Variants in FRAS1 observed in about 807,000 individuals in gnomAD.
FRAS1 encodes the protein Fraser extracellular matrix complex subunit 1, also known as extracellular matrix organizing protein FRAS1.
In FRAS1, 290 loss-of-function variants were observed where a neutral mutation model predicts 435.2. That is an observed-to-expected ratio of 0.67 (90% CI 0.61 to 0.73). The LOEUF (loss-of-function observed/expected upper bound fraction) is 0.73. Ranked by LOEUF, FRAS1 falls within the 30% of genes least tolerant of loss-of-function variation. FRAS1 has a pLI of 0.00. For missense variants in FRAS1, 4,860 were observed against 5,001.5 expected (o/e 0.97, Z 0.85); for synonymous variants, 1,800 against 1,851.0 (o/e 0.97, Z 0.71).
intron 2 of FRAS1, among the ~76,000 whole-genome samples, chr4:78,228,615 C>T (rs1006853050): frequency 2.0e-5 from 3 of 152,140 alleles, no homozygotes; most frequent in Non-Finnish European, 4.4e-5. Flanking sequence ...TTCTATAGCA[C>T]TCAGTAGTGG....
intron 2 of FRAS1, among the ~76,000 whole-genome samples, chr4:78,140,703 GCA>G (rs1560546090): frequency 1.8e-4 from 12 of 68,268 alleles, no homozygotes; most frequent in Admixed American, 9.4e-4. Context: ...ATGTGTATAT[GCA>G]TATACGTGTG....
chr4:78,452,450 C>A, intron 47 of FRAS1, 96 bp downstream of exon 47: 1 of 920,206 alleles, frequency 1.1e-6, no homozygotes, highest in Non-Finnish European at 1.6e-6. Context: ...CTAGAATCTG[C>A]CTTAATTCAT....
At chr4:78,210,760 A>G (rs1723469657) in intron 2 of FRAS1, among the ~76,000 whole-genome samples, 10 of 152,224 alleles carry the variant, frequency 6.6e-5, no homozygotes, top group Admixed American at 6.5e-4. Context: ...ATCTATATCT[A>G]TACAATCATC....
At chr4:78,327,524 G>C (rs1310740536) in intron 18 of FRAS1, among the ~76,000 whole-genome samples, 1 of 152,120 alleles carries the variant, frequency 6.6e-6, no homozygotes, top group African/African-American at 2.4e-5. Context: ...AATTATTTTA[G>C]GTACAGTTTT....
intron 30 of FRAS1, among the ~76,000 whole-genome samples, chr4:78,404,407 C>CAAA (rs769957965): frequency 1.7e-5 from 2 of 115,944 alleles, no homozygotes; most frequent in Admixed American, 9.0e-5. Flanking sequence ...TGAGGTACTA[C>CAAA]AAAAAAAAAA....
chr4:78,309,711 A>G (rs1273545047), intron 15 of FRAS1, among the ~76,000 whole-genome samples: 1 of 150,716 alleles, frequency 6.6e-6, no homozygotes, highest in Non-Finnish European at 1.5e-5. Context: ...CCACTTCTTC[A>G]CCTTCTTCTG....
intron 70 of FRAS1, among the ~76,000 whole-genome samples, chr4:78,530,897 G>A (rs760442235): frequency 2.0e-5 from 3 of 152,208 alleles, no homozygotes; most frequent in Non-Finnish European, 4.4e-5. Context: ...GTAGCTTGAT[G>A]GGAATAGCAT....
intron 2 of FRAS1, among the ~76,000 whole-genome samples, chr4:78,175,676 A>G (rs918515392): frequency 1.3e-5 from 2 of 152,210 alleles, no homozygotes; most frequent in African/African-American, 4.8e-5. Flanking sequence ...AAGCAGAGCC[A>G]GCTCTGTGGA....
intron 66 of FRAS1, among the ~76,000 whole-genome samples, chr4:78,517,159 T>C (rs1324435336): frequency 6.6e-6 from 1 of 152,242 alleles, no homozygotes; most frequent in African/African-American, 2.4e-5. Context: ...TTTACAGTAA[T>C]TATTTAGAGA....
chr4:78,503,221 C>T (rs11098205), intron 61 of FRAS1, among the ~76,000 whole-genome samples: 27,661 of 152,030 alleles, frequency 0.18, 2,591 homozygotes, highest in Middle Eastern at 0.26. Flanking sequence ...AGGATGATTC[C>T]GGCTTCATAA....
intron 2 of FRAS1, among the ~76,000 whole-genome samples, chr4:78,201,783 T>G (rs1279245009): frequency 6.6e-6 from 1 of 152,170 alleles, no homozygotes; most frequent in African/African-American, 2.4e-5. Context: ...CAAACAGCAT[T>G]GAAGATATTT....
At chr4:78,320,679 C>T (rs1300448041) in intron 18 of FRAS1, among the ~76,000 whole-genome samples, 2 of 152,128 alleles carry the variant, frequency 1.3e-5, no homozygotes, top group Non-Finnish European at 2.9e-5. Context: ...CTCTCTCTCT[C>T]TCCCGCATTT....
intron 23 of FRAS1, among the ~76,000 whole-genome samples, chr4:78,371,612 A>T (rs964672688): frequency 6.6e-6 from 1 of 152,202 alleles, no homozygotes; most frequent in South Asian, 2.1e-4. Flanking sequence ...GATAATATAG[A>T]TAAAAACATG....
In FRAS1 at chr4:78,407,894, C is replaced by T. The variant is rs566136450; in HGVS notation, c.4308+53C>T. 199 of 1,429,358 alleles carry T rather than the reference C, an allele frequency of 1.4e-4. 1 individual carries two copies. Among genetic ancestry groups the T allele is most frequent in the South Asian group, 7.5e-4 (50 of 66,294 alleles). 88.5% of individuals were successfully genotyped at this position (1,429,358 alleles called of 1,614,324 possible). On this transcript the variant is annotated intron_variant, in intron 31 of 73. Transcript: ENST00000512123. ...AGTCTGATGAATCCAATAATCCAAT[C>T]GCTCTTATTTATAATCAACTTGAGT...
At position 78,379,722 on chromosome 4, in the gene FRAS1, T is replaced by A. The variant is rs763478105; in HGVS notation, c.3293-4T>A. 1.2e-6 allele frequency: 2 copies of A among 1,604,614 alleles called. No individual in the cohort carries two copies. The highest frequency in any genetic ancestry group is 1.7e-6 in the Non-Finnish European group (2 of 1,177,764). On this transcript the variant is annotated splice_polypyrimidine_tract_variant and splice_region_variant and intron_variant, in intron 26 of 73. Coordinates refer to ENST00000512123, the MANE Select transcript of FRAS1 (RefSeq NM_025074.7). ...CTTGACCTTTGGATTCATATGTTTT[T>A]CAGGCAAAATACACACCCCTAGTCT... is the stretch of plus-strand genomic sequence containing the variant.
intron 22 of FRAS1, among the ~76,000 whole-genome samples, chr4:78,366,898 A>C (rs1190245633): frequency 6.6e-6 from 1 of 152,234 alleles, no homozygotes; most frequent in Non-Finnish European, 1.5e-5. Flanking sequence ...TCTGTGTCAG[A>C]CAGGGTCAGC....
At chr4:78,173,064 G>C (rs374510372) in intron 2 of FRAS1, among the ~76,000 whole-genome samples, 1 of 152,166 alleles carries the variant, frequency 6.6e-6, no homozygotes. Context: ...AGGTGTGCTC[G>C]AAAGGCTGAC....
intron 2 of FRAS1, among the ~76,000 whole-genome samples, chr4:78,177,887 C>T (rs1013176549): frequency 1.3e-5 from 2 of 152,172 alleles, no homozygotes; most frequent in Non-Finnish European, 2.9e-5. Flanking sequence ...AGTAATGATA[C>T]CTAACCTCTT....
rs964576856 is a variant in FRAS1 at position 78,544,128 on chromosome 4, G to A, written c.*3004G>A. ...ACCTGCTCAGACTGAGTAAACATTT[G>A]TGGTGCTGTCAACCTGATTTCTTGA... On this transcript the variant is annotated 3_prime_UTR_variant, in exon 74 of 74. Transcript: ENST00000512123. 2.6e-5 allele frequency: 4 copies of A among 152,640 alleles called. No homozygotes were observed. The highest frequency in any genetic ancestry group is 1.3e-4 in the Admixed American group (2 of 15,284). The allele number at this position is 152,640 out of a possible 1,614,324, so 9.5% of individuals were successfully genotyped here.
Sources: gnomAD v4.1 joint callset for allele counts (sites outside exome capture counted in the v4.1 genomes callset) on GRCh38, gnomAD v4.1.1 for gene constraint, MANE v1.5 for transcripts, NCBI Gene and HGNC (gene_info 2026-07-23, HGNC 2026-07-21) for gene names.